Variants in HBS1L observed in about 807,000 individuals in gnomAD.
HBS1L encodes the protein HBS1 like translational GTPase.
HBS1L carries 55 observed loss-of-function variants against 88.9 expected under a neutral mutation model. The observed-to-expected ratio is 0.62, with a 90% CI of 0.50 to 0.77. The LOEUF (loss-of-function observed/expected upper bound fraction) is 0.77. Among genes scored for constraint, HBS1L ranks in the 30% least tolerant of loss-of-function variants. HBS1L has a pLI of 0.00. For missense variants in HBS1L, 741 were observed against 829.3 expected (o/e 0.89, Z 1.31); for synonymous variants, 267 against 288.5 (o/e 0.93, Z 0.76).
At chr6:134,977,756 A>C (rs1166841763) in intron 15 of HBS1L, among the ~76,000 whole-genome samples, 2 of 151,990 alleles carry the variant, frequency 1.3e-5, no homozygotes, top group African/African-American at 4.8e-5. Flanking sequence ...TGGTAGAAAC[A>C]TCACTGAGAA....
rs905620813 is a variant in HBS1L, at chr6:134,961,431, C to T, written c.*3848G>A. 6.6e-6 allele frequency: 1 copy of T among 152,188 alleles called. No homozygotes were observed. The highest frequency in any genetic ancestry group is 1.5e-5 in the Non-Finnish European group (1 of 68,036). The allele number at this position is 152,188 out of a possible 1,614,324, so 9.4% of individuals were successfully genotyped here. A position where few individuals can be genotyped will look rare whatever the true frequency, so the allele number is the denominator to read the frequency against. On this transcript the variant is annotated 3_prime_UTR_variant, in exon 18 of 18. Coordinates refer to ENST00000367837, the MANE Select transcript of HBS1L (RefSeq NM_006620.4). ...TAGGCGGTGGCGTTCTCCTGCTGAA[C>T]ATTTAACAATTCTCAAATCTCTAAC... is the stretch of plus-strand genomic sequence containing the variant.
intron 16 of HBS1L, among the ~76,000 whole-genome samples, chr6:134,967,781 T>C (rs1206391789): frequency 1.3e-5 from 2 of 152,210 alleles, no homozygotes; most frequent in African/African-American, 4.8e-5. Flanking sequence ...CTCTACCACT[T>C]GAGCTTTGTG....
intron 15 of HBS1L, among the ~76,000 whole-genome samples, chr6:134,973,969 A>G (rs1774569609): frequency 6.6e-6 from 1 of 152,072 alleles, no homozygotes; most frequent in South Asian, 2.1e-4. Context: ...AAAATCAAAT[A>G]TAAATTCACT....
chr6:134,970,007 A>T (rs1355931489), intron 15 of HBS1L, among the ~76,000 whole-genome samples: 1 of 152,232 alleles, frequency 6.6e-6, no homozygotes, highest in African/African-American at 2.4e-5. Context: ...TATACTGGGT[A>T]CAAACATTGT....
At chr6:135,031,814 C>T (rs1000793336) in intron 4 of HBS1L, among the ~76,000 whole-genome samples, 1 of 151,628 alleles carries the variant, frequency 6.6e-6, no homozygotes, top group African/African-American at 2.4e-5. Context: ...AATAAATACG[C>T]ATTTTATCAG....
chr6:135,022,698 TTA>T (rs1776107022), intron 4 of HBS1L, among the ~76,000 whole-genome samples: 1 of 152,088 alleles, frequency 6.6e-6, no homozygotes, highest in Admixed American at 6.5e-5. Context: ...TCATTGAAAA[TTA>T]TATTTAAAAG....
intron 4 of HBS1L, among the ~76,000 whole-genome samples, chr6:135,031,056 A>T (rs1776370220): frequency 6.6e-6 from 1 of 151,906 alleles, no homozygotes; most frequent in Non-Finnish European, 1.5e-5. Flanking sequence ...GTAATTTTGT[A>T]CTTTTTGTTG....
chr6:134,989,644 A>C (rs1775075727), intron 8 of HBS1L, among the ~76,000 whole-genome samples: 1 of 152,216 alleles, frequency 6.6e-6, no homozygotes, highest in African/African-American at 2.4e-5. Context: ...TACGATTTAA[A>C]TTGAAGTACT....
chr6:135,046,910 G>C (rs760569005), intron 2 of HBS1L, among the ~76,000 whole-genome samples: 2 of 152,148 alleles, frequency 1.3e-5, no homozygotes, highest in South Asian at 2.1e-4. Context: ...ATAGAGGAAA[G>C]TAAGTTTCTT....
At chr6:135,013,462 A>T (rs1014021) in intron 4 of HBS1L, among the ~76,000 whole-genome samples, 1 of 151,990 alleles carries the variant, frequency 6.6e-6, no homozygotes, top group African/African-American at 2.4e-5. Context: ...GAGACATAAG[A>T]TTAGAAAAGC....
intron 4 of HBS1L, among the ~76,000 whole-genome samples, chr6:135,014,130 C>T (rs6923512): frequency 0.31 from 47,701 of 151,916 alleles, 7,884 homozygotes; most frequent in Non-Finnish European, 0.37. Flanking sequence ...CTCAGATTTT[C>T]TGCCAAGAAA....
chr6:135,041,358 T>TTTTA (rs377297773), intron 3 of HBS1L, among the ~76,000 whole-genome samples: 13 of 151,408 alleles, frequency 8.6e-5, no homozygotes, highest in Non-Finnish European at 1.6e-4. Context: ...GCCTCCTCTT[T>TTTTA]TTTATTTATT....
chr6:134,978,673 A>G lies in HBS1L; in HGVS notation c.1797+6T>C. On this transcript the variant is annotated splice_donor_region_variant and intron_variant, in intron 15 of 17. Transcript: ENST00000367837. ...AACAGGAATAATAAAACATTTTGGA[A>G]CTTACAGGAAATCCTTTAGTGATAG... 1 of 1,452,962 alleles carries G rather than the reference A, an allele frequency of 6.9e-7. No individual in the cohort carries two copies. Among genetic ancestry groups the G allele is most frequent in the South Asian group, 1.2e-5 (1 of 81,236 alleles). The allele number at this position is 1,452,962 out of a possible 1,614,324, so 90.0% of individuals were successfully genotyped here. A position where few individuals can be genotyped will look rare whatever the true frequency, so the allele number is the denominator to read the frequency against.
intron 5 of HBS1L, among the ~76,000 whole-genome samples, chr6:134,998,261 C>T (rs901303661): frequency 6.6e-6 from 1 of 152,164 alleles, no homozygotes; most frequent in African/African-American, 2.4e-5. Flanking sequence ...AAAAAGTTAA[C>T]TACCACTCTT....
At position 135,054,781 on chromosome 6, in the gene HBS1L, A is replaced by G; in HGVS notation, c.-90T>C. 3.3e-6 allele frequency: 5 copies of G among 1,496,622 alleles called. No homozygotes were observed. Among genetic ancestry groups the G allele is most frequent in the South Asian group, 1.2e-5 (1 of 85,872 alleles). 92.7% of individuals were successfully genotyped at this position (1,496,622 alleles called of 1,614,324 possible). On this transcript the variant is annotated 5_prime_UTR_variant, in exon 1 of 18. Transcript: ENST00000367837. Reference sequence around the variant, plus strand: ...ATAAGGCGCCAACTGCAGCCTGGAGAACCCCTATGCGCCATCTTGGCTTCC... The same window carrying G: ...ATAAGGCGCCAACTGCAGCCTGGAGGACCCCTATGCGCCATCTTGGCTTCC...
At chr6:134,988,020 G>T (rs1775026946) in intron 8 of HBS1L, among the ~76,000 whole-genome samples, 1 of 151,930 alleles carries the variant, frequency 6.6e-6, no homozygotes, top group Non-Finnish European at 1.5e-5. Context: ...GATTATATAA[G>T]AATTAAAATA....
intron 8 of HBS1L, among the ~76,000 whole-genome samples, chr6:134,993,155 G>A (rs1391643771): frequency 6.6e-6 from 1 of 152,084 alleles, no homozygotes; most frequent in Non-Finnish European, 1.5e-5. Context: ...CCAGATTTGT[G>A]TAAGTAAACT....
chr6:134,992,057 G>T (rs1562284060), intron 8 of HBS1L, among the ~76,000 whole-genome samples: 1 of 152,162 alleles, frequency 6.6e-6, no homozygotes, highest in Non-Finnish European at 1.5e-5. Flanking sequence ...TACAGAGTGA[G>T]ACTCTGTCTC....
chr6:134,966,402 TTATA>T lies in HBS1L; in HGVS notation c.1966_1969del (p.Tyr656LysfsTer18). ...GAACCTCCCCAGCTCTTTAAAGTCT[TTATA>T]TAGCTCAAGAGCTATTGGTCTTTGT... is the stretch of plus-strand genomic sequence containing the variant. On this transcript the variant is annotated frameshift_variant, in exon 17 of 18. Transcript: ENST00000367837. LOFTEE classifies it high-confidence loss of function. 2.5e-6 allele frequency: 4 copies of T among 1,613,172 alleles called. No individual in the cohort carries two copies. Among genetic ancestry groups the T allele is most frequent in the Non-Finnish European group, 2.5e-6 (3 of 1,179,362 alleles).
Sources: gnomAD v4.1 joint callset for allele counts (sites outside exome capture counted in the v4.1 genomes callset) on GRCh38, gnomAD v4.1.1 for gene constraint, MANE v1.5 for transcripts, NCBI Gene and HGNC (gene_info 2026-07-23, HGNC 2026-07-21) for gene names.